Variants in SLC7A8 observed in about 807,000 individuals in gnomAD.
SLC7A8 encodes solute carrier family 7 member 8.
SLC7A8 carries 30 observed loss-of-function variants against 51.2 expected under a neutral mutation model. The observed-to-expected ratio is 0.59, with a 90% confidence interval of 0.44 to 0.80. The LOEUF (loss-of-function observed/expected upper bound fraction) is 0.80, where lower values mean the gene tolerates loss of function less well. Among genes scored for constraint, SLC7A8 ranks in the 30% least tolerant of loss-of-function variants. The probability of loss-of-function intolerance (pLI) is 0.00; values close to 1 mark genes in which losing one functional copy is unlikely to be tolerated. For synonymous variants in SLC7A8, 257 were observed against 275.8 expected (o/e 0.93, Z 0.67); for missense variants, 612 against 674.4 (o/e 0.91, Z 1.03).
chr14:23,182,505 A>C (rs1263555015), intron 1 of SLC7A8, among the ~76,000 whole-genome samples: 1 of 152,110 alleles, frequency 6.6e-6, no homozygotes, highest in African/African-American at 2.4e-5. Context: ...GGCAATGCTA[A>C]TCATCAGCCG....
chr14:23,131,442 C>T lies in SLC7A8; in HGVS notation c.1113+19G>A, dbSNP rs1159757211. ...AGAGAGGGAGGTGTGTGGAGAGTTA[C>T]AGCAGGAAGGGCCCTTACTGTGAAG... On this transcript the variant is annotated intron_variant, in intron 8 of 10. Transcript: ENST00000316902. 1 of 1,554,440 alleles carries T rather than the reference C, an allele frequency of 6.4e-7. No individual in the cohort carries two copies. The highest frequency in any genetic ancestry group is 8.7e-7 in the Non-Finnish European group (1 of 1,149,160).
intron 3 of SLC7A8, among the ~76,000 whole-genome samples, chr14:23,143,686 G>A (rs2048765667): frequency 6.6e-6 from 1 of 152,200 alleles, no homozygotes. Context: ...TTTTTAAAGT[G>A]TACAGTTTGA....
intron 1 of SLC7A8, among the ~76,000 whole-genome samples, chr14:23,171,423 C>G (rs2048974754): frequency 6.6e-6 from 1 of 152,192 alleles, no homozygotes; most frequent in Non-Finnish European, 1.5e-5. Context: ...CTAACTCCCC[C>G]ATCTGTAGAC....
rs752816064 is a variant in SLC7A8, at chr14:23,166,343, G to C, written c.349C>G (p.Leu117Val). The C allele has an allele frequency of 1.2e-5, 20 of 1,613,368 alleles. No individual in the cohort carries two copies. In the Admixed American group the frequency reaches 3.2e-4, roughly 26 times the overall value. The change falls in exon 2 of 11, where the codon CTG (leucine) becomes GTG (valine). Residue 117 changes from leucine to valine, a missense_variant. Coordinates refer to ENST00000316902, the MANE Select transcript of SLC7A8 (RefSeq NM_012244.4). Reference sequence around the variant, plus strand: ...CTCCACAGATCCTCTTACCCAGCCAGTCCTCCGAAGATGTCCTTGACATAG... The same window carrying C: ...CTCCACAGATCCTCTTACCCAGCCACTCCTCCGAAGATGTCCTTGACATAG... ...YSYVKDIFGG[L>V]AGFLRLWIAV...
In SLC7A8 at chr14:23,132,227, C is replaced by T. The variant is rs542666278; in HGVS notation, c.1017-670G>A. On this transcript the variant is annotated intron_variant, in intron 7 of 10. Transcript: ENST00000316902. ...CCATCTTGGCCAGGCTGGTCTTGAA[C>T]TGCTGACCTCGTGATCCACTTGCCT... 6.6e-5 allele frequency among the ~76,000 whole-genome samples: 10 copies of T among 152,122 alleles called. No homozygotes were observed. The South Asian group carries it at 1.9e-3, about 28-fold the overall frequency.
chr14:23,180,896 G>A (rs1413102500), intron 1 of SLC7A8, among the ~76,000 whole-genome samples: 18 of 152,242 alleles, frequency 1.2e-4, no homozygotes, highest in Non-Finnish European at 1.6e-4. Flanking sequence ...GCGTGGTGGT[G>A]GGCGCCTGTA....
At chr14:23,167,496 A>AG (rs918819216) in intron 1 of SLC7A8, among the ~76,000 whole-genome samples, 6 of 151,952 alleles carry the variant, frequency 3.9e-5, no homozygotes, top group African/African-American at 1.5e-4. Flanking sequence ...GCTTGTGTGC[A>AG]GGGGCTGGTT....
rs762404141 is a variant in SLC7A8, at chr14:23,182,867, T to G, written c.48A>C (p.Pro16=). 7 of 1,614,166 alleles carry G rather than the reference T, an allele frequency of 4.3e-6. No individual in the cohort carries two copies. In the East Asian group the frequency reaches 1.6e-4, roughly 36 times the overall value. Reference sequence around the variant, plus strand: ...GGCTGGCGTCCGACTCGCCCCCACCTGGGTGTTTCTTTTCGGTGTTGTTTC... The same window carrying G: ...GGCTGGCGTCCGACTCGCCCCCACCGGGGTGTTTCTTTTCGGTGTTGTTTC... ...RHRNNTEKKH[P]GGGESDASPE... Residue 16 remains proline (P), a synonymous_variant, in exon 1 of 11, where the codon CCA becomes CCC. Coordinates refer to ENST00000316902, the MANE Select transcript of SLC7A8 (RefSeq NM_012244.4).
intron 3 of SLC7A8, among the ~76,000 whole-genome samples, chr14:23,143,507 A>C (rs1268350411): frequency 6.6e-6 from 1 of 152,252 alleles, no homozygotes; most frequent in Non-Finnish European, 1.5e-5. Flanking sequence ...TCAGGGCACA[A>C]GTATGGGCTT....
At chr14:23,169,228 T>C (rs2048964377) in intron 1 of SLC7A8, among the ~76,000 whole-genome samples, 2 of 152,142 alleles carry the variant, frequency 1.3e-5, no homozygotes, top group African/African-American at 4.8e-5. Flanking sequence ...CATGGTGGCA[T>C]GCGCCTATAG....
chr14:23,141,108 C>G (rs10139545), intron 4 of SLC7A8, among the ~76,000 whole-genome samples: 7,118 of 152,116 alleles, frequency 0.047, 579 homozygotes, highest in African/African-American at 0.16. Context: ...CATAGTGAGA[C>G]TCCCATCTCC....
chr14:23,169,271 C>G (rs973866881), intron 1 of SLC7A8, among the ~76,000 whole-genome samples: 3 of 152,096 alleles, frequency 2.0e-5, no homozygotes, highest in Non-Finnish European at 2.9e-5. Flanking sequence ...GGTGGGAGGA[C>G]TGCTTGAGCC....
intron 1 of SLC7A8, among the ~76,000 whole-genome samples, chr14:23,171,229 A>G (rs1431538831): frequency 6.6e-6 from 1 of 152,216 alleles, no homozygotes; most frequent in Admixed American, 6.5e-5. Flanking sequence ...CTTATCACGC[A>G]GATCTTCTTT....
At chr14:23,182,680 C>T in intron 1 of SLC7A8, 84 bp downstream of exon 1, 2 of 1,437,312 alleles carry the variant, frequency 1.4e-6, no homozygotes, top group Non-Finnish European at 1.9e-6. Flanking sequence ...ATAGGAAGAA[C>T]AATAATGCTT....
At chr14:23,132,466 TA>T (rs2048645985) in intron 7 of SLC7A8, among the ~76,000 whole-genome samples, 1 of 152,030 alleles carries the variant, frequency 6.6e-6, no homozygotes, top group South Asian at 2.1e-4. Context: ...CCTATATTTC[TA>T]GCTACTTGGG....
chr14:23,128,230 G>T lies in SLC7A8; in HGVS notation c.1264-34C>A. Reference sequence around the variant, plus strand: ...CAGAGGCATGAGGCGTATGAACTGTGTAGGCCACGTGGCCCCCAGGACTAG... The same window carrying T: ...CAGAGGCATGAGGCGTATGAACTGTTTAGGCCACGTGGCCCCCAGGACTAG... On this transcript the variant is annotated intron_variant, in intron 9 of 10. Coordinates refer to ENST00000316902, the MANE Select transcript of SLC7A8 (RefSeq NM_012244.4). The surrounding 1 kb of genome is among the most constrained non-coding windows in gnomAD (Gnocchi z 4.3). 1 of 1,612,200 alleles carries T rather than the reference G, an allele frequency of 6.2e-7. No individual in the cohort carries two copies. Among genetic ancestry groups the T allele is most frequent in the Non-Finnish European group, 8.5e-7 (1 of 1,179,216 alleles).
At chr14:23,148,800 G>C (rs1356564857) in intron 3 of SLC7A8, among the ~76,000 whole-genome samples, 3 of 152,188 alleles carry the variant, frequency 2.0e-5, no homozygotes, top group Non-Finnish European at 4.4e-5. Flanking sequence ...AGAAATTCAG[G>C]CCTGCTGACG....
chr14:23,175,119 A>AC (rs765471305), intron 1 of SLC7A8, among the ~76,000 whole-genome samples: 19 of 152,012 alleles, frequency 1.2e-4, no homozygotes, highest in South Asian at 4.1e-4. Flanking sequence ...CCACACCTCT[A>AC]CCCCACTTCA....
At position 23,140,614 on chromosome 14, in the gene SLC7A8, G is replaced by A; in HGVS notation, c.645C>T (p.Phe215=). The stretch of plus-strand genomic sequence containing the variant: ...CAAATGCATTCTTTGGCTCCAGCCA[G>A]AAGTACTCTCCTGTGGACACAAGCA... ...GIVQICKGEY[F]WLEPKNAFEN... The change falls in exon 5 of 11, where the codon TTC becomes TTT. Residue 215 remains phenylalanine (F), a synonymous_variant. Transcript: ENST00000316902. 6.2e-7 allele frequency: 1 copy of A among 1,613,866 alleles called. No homozygotes were observed.
Sources: allele counts gnomAD v4.1 joint callset (sites outside exome capture counted in the v4.1 genomes callset), GRCh38; gene constraint gnomAD v4.1.1; non-coding constraint Gnocchi (gnomAD v3.1); transcripts MANE v1.5; gene names NCBI Gene and HGNC (gene_info 2026-07-23, HGNC 2026-07-21).